The following GHR variants were observed in gnomAD, a reference collection of about 807,000 sequenced individuals.
GHR encodes the protein GH receptor.
In GHR, 35 loss-of-function variants were observed where a neutral mutation model predicts 67.1. The ratio of observed to expected loss-of-function variants is 0.52; its 90% confidence interval spans 0.40 to 0.69. The LOEUF (loss-of-function observed/expected upper bound fraction) is 0.69, where lower values mean the gene tolerates loss of function less well. GHR is among the 30% of genes least tolerant of loss of function. The pLI, the probability that GHR is intolerant of heterozygous loss-of-function variation, is 0.00. For missense variants in GHR, 792 were observed against 764.6 expected, an observed-to-expected ratio of 1.04 and a Z score of -0.42; for synonymous variants, 272 against 269.1, an observed-to-expected ratio of 1.01 and a Z score of -0.10.
chr5:42,665,963 G>A (rs1755951679), intron 3 of GHR, among the ~76,000 whole-genome samples: 1 of 151,976 alleles, frequency 6.6e-6, no homozygotes, highest in Non-Finnish European at 1.5e-5. Flanking sequence ...AGAAAAACCT[G>A]CCCCCATGAT....
At chr5:42,540,559 G>A (rs1440050842) in intron 1 of GHR, among the ~76,000 whole-genome samples, 1 of 152,048 alleles carries the variant, frequency 6.6e-6, no homozygotes, top group Admixed American at 6.6e-5. Flanking sequence ...TAACCTACGG[G>A]AAGCCTGTCA....
chr5:42,655,340 C>T (rs1362874880), intron 3 of GHR, among the ~76,000 whole-genome samples: 1 of 152,074 alleles, frequency 6.6e-6, no homozygotes, highest in Non-Finnish European at 1.5e-5. Context: ...ATAAGGAGCC[C>T]AGGGCTCTGC....
chr5:42,670,944 C>T (rs918799694), intron 3 of GHR, among the ~76,000 whole-genome samples: 1 of 150,136 alleles, frequency 6.7e-6, no homozygotes, highest in South Asian at 2.1e-4. Flanking sequence ...AAGTATCACC[C>T]TGATTTAAAA....
At chr5:42,452,184 T>G (rs1000713118) in intron 1 of GHR, among the ~76,000 whole-genome samples, 5 of 152,204 alleles carry the variant, frequency 3.3e-5, no homozygotes, top group Non-Finnish European at 7.3e-5. Flanking sequence ...GATGCAAAAT[T>G]TTTGACTGAC....
intron 6 of GHR, among the ~76,000 whole-genome samples, chr5:42,700,335 C>T (rs1757874600): frequency 6.6e-6 from 1 of 152,136 alleles, no homozygotes; most frequent in Non-Finnish European, 1.5e-5. Flanking sequence ...AGTTTGTGAT[C>T]CAGTCAACAG....
chr5:42,637,968 CT>C (rs1754284248), intron 3 of GHR, among the ~76,000 whole-genome samples: 1 of 152,178 alleles, frequency 6.6e-6, no homozygotes, highest in African/African-American at 2.4e-5. Context: ...GAGACGGAGT[CT>C]CGCTTTGTCG....
At chr5:42,643,590 G>C (rs1376233673) in intron 3 of GHR, among the ~76,000 whole-genome samples, 1 of 152,120 alleles carries the variant, frequency 6.6e-6, no homozygotes, top group African/African-American at 2.4e-5. Flanking sequence ...TTTCCCTAGA[G>C]GATTTGCATA....
In GHR at chr5:42,469,442, G is replaced by C. The variant is rs1208743705; in HGVS notation, c.-12+45487G>C. Among the ~76,000 whole-genome samples the C allele has an allele frequency of 2.0e-5, 3 of 151,054 alleles. No individual in the cohort carries two copies. In the East Asian group the frequency reaches 5.8e-4, roughly 29 times the overall value. ...TTCCACTTTGACAGAACAGTCTACT[G>C]TCTGCCTCAGCCTATCCTGGAGATG... is the stretch of plus-strand genomic sequence containing the variant. On this transcript the variant is annotated intron_variant, in intron 1 of 9. Coordinates refer to ENST00000230882, the MANE Select transcript of GHR (RefSeq NM_000163.5).
At chr5:42,664,882 T>C (rs983511251) in intron 3 of GHR, among the ~76,000 whole-genome samples, 3 of 151,922 alleles carry the variant, frequency 2.0e-5, no homozygotes, top group Non-Finnish European at 2.9e-5. Flanking sequence ...TACAATGAAC[T>C]CAAACAAATC....
chr5:42,712,099 C>G (rs986090689), intron 7 of GHR, among the ~76,000 whole-genome samples: 2 of 152,116 alleles, frequency 1.3e-5, no homozygotes, highest in South Asian at 2.1e-4. Context: ...GGAAATGGCT[C>G]TATTCCATCT....
intron 1 of GHR, among the ~76,000 whole-genome samples, chr5:42,479,581 C>T (rs1745514293): frequency 6.6e-6 from 1 of 152,146 alleles, no homozygotes; most frequent in African/African-American, 2.4e-5. Flanking sequence ...TTGGTCTATT[C>T]AGAGATTCAA....
At chr5:42,699,718 T>C (rs1579636149) in intron 5 of GHR, 106 bp from the exon 6 acceptor site, 1 of 795,208 alleles carries the variant, frequency 1.3e-6, no homozygotes, top group Non-Finnish European at 2.3e-6. Flanking sequence ...AATAAGAGCA[T>C]GAATGATCAA....
At chr5:42,695,805 T>G (rs1757646392) in intron 5 of GHR, among the ~76,000 whole-genome samples, 1 of 152,216 alleles carries the variant, frequency 6.6e-6, no homozygotes, top group South Asian at 2.1e-4. Flanking sequence ...CTGAAATTAG[T>G]GCCTCAAAAT....
At chr5:42,553,653 T>C (rs1175663119) in intron 1 of GHR, among the ~76,000 whole-genome samples, 6 of 152,184 alleles carry the variant, frequency 3.9e-5, no homozygotes, top group Non-Finnish European at 8.8e-5. Flanking sequence ...CTTAATTACA[T>C]CTGCAAAATT....
intron 1 of GHR, chr5:42,465,329 C>A (rs1055004950): frequency 1.4e-6 from 1 of 736,572 alleles, no homozygotes; most frequent in Non-Finnish European, 2.4e-6. Flanking sequence ...GAAAATAAAT[C>A]TTTATTTTCA....
Position 42,719,081 on chromosome 5 carries a change from A to C in GHR, c.1574A>C (p.Gln525Pro), listed in dbSNP as rs1450946001. ...DMHPEMVSLC[Q>P]ENFLMDNAYF... The stretch of plus-strand genomic sequence containing the variant: ...CACCCGGAAATGGTCTCACTCTGCC[A>C]AGAAAACTTCCTTATGGACAATGCC... The change falls in exon 10 of 10, where the codon CAA (glutamine) becomes CCA (proline). Residue 525 changes from glutamine to proline, a missense_variant. Physicochemically the swap from Gln to Pro is moderately conservative, Grantham distance 76. Coordinates refer to ENST00000230882, the MANE Select transcript of GHR (RefSeq NM_000163.5). 2.2e-5 allele frequency: 36 copies of C among 1,613,226 alleles called. No homozygotes were observed. Among genetic ancestry groups the C allele is most frequent in the Non-Finnish European group, 3.1e-5 (36 of 1,179,320 alleles).
chr5:42,582,046 C>A (rs1266815073), intron 2 of GHR, among the ~76,000 whole-genome samples: 1 of 152,232 alleles, frequency 6.6e-6, no homozygotes, highest in African/African-American at 2.4e-5. Flanking sequence ...CACACCAGCC[C>A]CCTGGCACAT....
At chr5:42,675,550 C>T (rs1237935623) in intron 3 of GHR, among the ~76,000 whole-genome samples, 1 of 152,116 alleles carries the variant, frequency 6.6e-6, no homozygotes, top group Non-Finnish European at 1.5e-5. Context: ...CCAAGTAAAT[C>T]TTGTGAAAGC....
intron 1 of GHR, chr5:42,514,110 G>A: frequency 1.0e-6 from 1 of 984,928 alleles, no homozygotes. Context: ...AACCAGAACT[G>A]ACCTTGAAGA....
Sources: gnomAD v4.1 joint callset for allele counts (sites outside exome capture counted in the v4.1 genomes callset) on GRCh38, gnomAD v4.1.1 for gene constraint, MANE v1.5 for transcripts, NCBI Gene and HGNC (gene_info 2026-07-23, HGNC 2026-07-21) for gene names.